The following GFRA1 variants were observed in gnomAD, a reference collection of about 807,000 sequenced individuals.
GFRA1 encodes the protein GDNF family receptor alpha 1.
In GFRA1, 16 loss-of-function variants were observed where a neutral mutation model predicts 51.6. The observed-to-expected ratio is 0.31, with a 90% CI of 0.21 to 0.47. The LOEUF is 0.47. GFRA1 is among the 20% of genes least tolerant of loss of function. The pLI is 1.00. For synonymous variants in GFRA1, 270 were observed against 241.3 expected (o/e 1.12, Z -1.10); for missense variants, 530 against 594.3 (o/e 0.89, Z 1.13).
intron 5 of GFRA1, among the ~76,000 whole-genome samples, chr10:116,164,861 G>A (rs189186015): frequency 5.9e-5 from 9 of 152,220 alleles, no homozygotes; most frequent in Admixed American, 2.6e-4. Context: ...AGTTGCGGAG[G>A]TCACTGCAAA....
At chr10:116,248,857 T>C (rs1968083722) in intron 4 of GFRA1, among the ~76,000 whole-genome samples, 1 of 152,136 alleles carries the variant, frequency 6.6e-6, no homozygotes, top group South Asian at 2.1e-4. Context: ...AATGTGACAA[T>C]GACGACAGTG....
chr10:116,257,384 G>C (rs1396027482), intron 4 of GFRA1, among the ~76,000 whole-genome samples: 1 of 150,794 alleles, frequency 6.6e-6, no homozygotes, highest in Non-Finnish European at 1.5e-5. Flanking sequence ...CCTGCCCTCG[G>C]CACCTAAATG....
intron 5 of GFRA1, among the ~76,000 whole-genome samples, chr10:116,193,785 C>T (rs939388798): frequency 7.2e-5 from 11 of 151,998 alleles, no homozygotes; most frequent in South Asian, 6.2e-4. Context: ...GGGCCGGGCG[C>T]GGTGGCTCAT....
At chr10:116,086,048 C>G (rs775520369) in intron 9 of GFRA1, among the ~76,000 whole-genome samples, 47 of 152,284 alleles carry the variant, frequency 3.1e-4, no homozygotes, top group South Asian at 8.3e-4. Flanking sequence ...AGTTAGAAAT[C>G]TTAGTCTGCT....
At chr10:116,140,670 GA>G (rs796094115) in intron 5 of GFRA1, among the ~76,000 whole-genome samples, 28 of 147,012 alleles carry the variant, frequency 1.9e-4, no homozygotes, top group South Asian at 4.3e-4. Context: ...ATGTCAGAAA[GA>G]AAAAAAAAAC....
chr10:116,077,708 CAAAG>C (rs953217736), intron 9 of GFRA1, among the ~76,000 whole-genome samples: 19 of 152,138 alleles, frequency 1.2e-4, no homozygotes, highest in Non-Finnish European at 8.8e-5. Flanking sequence ...ATGCCAATCA[CAAAG>C]AAATCATTTT....
At chr10:116,114,402 C>T (rs1957330128) in intron 6 of GFRA1, among the ~76,000 whole-genome samples, 2 of 152,154 alleles carry the variant, frequency 1.3e-5, no homozygotes, top group African/African-American at 2.4e-5. Flanking sequence ...CTAGACTCTG[C>T]CTCCGCCTCC....
Position 116,064,040 on chromosome 10 carries a change from C to CATCATCATGATCATGATGATG in GFRA1, c.*357_*358insCATCATCATGATCATGATGAT, listed in dbSNP as rs1565546600. The stretch of plus-strand genomic sequence containing the variant: ...AGGCCAGAAGTAAAACTGTTAAAAT[C>CATCATCATGATCATGATGATG]ATCATCATGATCATGATGATCATCA... On this transcript the variant is annotated 3_prime_UTR_variant, in exon 11 of 11. Transcript: ENST00000355422. 1 of 72,320 alleles carries CATCATCATGATCATGATGATG rather than the reference C, an allele frequency of 1.4e-5. No individual in the cohort carries two copies. The highest frequency in any genetic ancestry group is 2.1e-5 in the Non-Finnish European group (1 of 48,358). The allele number at this position is 72,320 out of a possible 1,614,324, so 4.5% of individuals were successfully genotyped here.
chr10:116,210,630 A>G (rs1310240104), intron 5 of GFRA1, among the ~76,000 whole-genome samples: 2 of 152,204 alleles, frequency 1.3e-5, no homozygotes, highest in Non-Finnish European at 2.9e-5. Flanking sequence ...ATTGTTATCC[A>G]CAACTGCACT....
At chr10:116,149,341 G>A (rs2134130281) in intron 5 of GFRA1, among the ~76,000 whole-genome samples, 1 of 152,278 alleles carries the variant, frequency 6.6e-6, no homozygotes, top group Non-Finnish European at 1.5e-5. Flanking sequence ...AAACATGTTA[G>A]AGAAACAGGG....
In GFRA1 at chr10:116,059,038, C is replaced by G. The variant is rs1348774876; in HGVS notation, c.*5360G>C. ...AATGCCACGGGCAGATTTAAAGTCA[C>G]TTGGATCCCAGTGCTTTTTCAGACC... On this transcript the variant is annotated 3_prime_UTR_variant, in exon 11 of 11. Coordinates refer to ENST00000355422, the MANE Select transcript of GFRA1 (RefSeq NM_005264.8). 1 of 152,224 alleles carries G rather than the reference C, an allele frequency of 6.6e-6. No homozygotes were observed. The highest frequency in any genetic ancestry group is 2.4e-5 in the African/African-American group (1 of 41,442). The allele number at this position is 152,224 out of a possible 1,614,324, so 9.4% of individuals were successfully genotyped here.
chr10:116,087,646 C>G (rs990681048), intron 9 of GFRA1, among the ~76,000 whole-genome samples: 1 of 152,132 alleles, frequency 6.6e-6, no homozygotes, highest in Admixed American at 6.5e-5. Flanking sequence ...ACTGGCTTCC[C>G]GTGATCACCT....
chr10:116,220,808 G>T (rs1464192961), intron 4 of GFRA1, among the ~76,000 whole-genome samples: 1 of 152,142 alleles, frequency 6.6e-6, no homozygotes, highest in Non-Finnish European at 1.5e-5. Context: ...TCAAAGGAGC[G>T]ATTGACAAGA....
chr10:116,093,104 A>G (rs985427360), intron 8 of GFRA1, among the ~76,000 whole-genome samples: 1 of 152,102 alleles, frequency 6.6e-6, no homozygotes, highest in Non-Finnish European at 1.5e-5. Flanking sequence ...CCCAGTGCTT[A>G]TCTCGCCTCC....
chr10:116,081,217 C>T (rs1349347785), intron 9 of GFRA1, among the ~76,000 whole-genome samples: 2 of 152,186 alleles, frequency 1.3e-5, no homozygotes, highest in Non-Finnish European at 2.9e-5. Context: ...GTGTGACTGG[C>T]ATCTGAAGCA....
chr10:116,225,981 CATATT>C (rs1258465775), intron 4 of GFRA1, among the ~76,000 whole-genome samples: 2 of 152,114 alleles, frequency 1.3e-5, no homozygotes, highest in African/African-American at 4.8e-5. Flanking sequence ...AGATGTGGCT[CATATT>C]ATGTTTCTAT....
Position 116,061,182 on chromosome 10 carries a change from C to T in GFRA1, c.*3216G>A, listed in dbSNP as rs1034784256. On this transcript the variant is annotated 3_prime_UTR_variant, in exon 11 of 11. Transcript: ENST00000355422. ...TGAGGCAGCTCTGGGGGAGCCCTGTCCGGTGTTTGAGGAACTCGAAGACAC... is the reference window on the plus strand; with the variant it reads ...TGAGGCAGCTCTGGGGGAGCCCTGTTCGGTGTTTGAGGAACTCGAAGACAC... The T allele has an allele frequency of 3.3e-5, 5 of 150,994 alleles. No homozygotes were observed. The highest frequency in any genetic ancestry group is 1.2e-4 in the African/African-American group (5 of 40,880). 9.4% of individuals were successfully genotyped at this position (150,994 alleles called of 1,614,324 possible).
At chr10:116,258,877 T>A (rs1469757440) in intron 4 of GFRA1, among the ~76,000 whole-genome samples, 1 of 152,206 alleles carries the variant, frequency 6.6e-6, no homozygotes, top group East Asian at 1.9e-4. Context: ...TCTTTAAGTA[T>A]CATGGGGAAT....
intron 4 of GFRA1, among the ~76,000 whole-genome samples, chr10:116,251,426 C>A (rs1968351424): frequency 6.6e-6 from 1 of 152,230 alleles, no homozygotes; most frequent in Non-Finnish European, 1.5e-5. Context: ...GTGGATGTAT[C>A]AGAATATCAT....
Sources: allele counts gnomAD v4.1 joint callset (sites outside exome capture counted in the v4.1 genomes callset), GRCh38; gene constraint gnomAD v4.1.1; transcripts MANE v1.5; gene names NCBI Gene and HGNC (gene_info 2026-07-23, HGNC 2026-07-21).